Variants in ALPK2 observed in about 807,000 individuals in gnomAD.
ALPK2 encodes the protein alpha-protein kinase 2.
In ALPK2, 127 loss-of-function variants were observed where a neutral mutation model predicts 163.1. That is an observed-to-expected ratio of 0.78 (90% CI 0.67 to 0.90). ALPK2 has a LOEUF of 0.90. ALPK2 is among the 40% of genes least tolerant of loss of function. The pLI, the probability that ALPK2 is intolerant of heterozygous loss-of-function variation, is 0.00. For synonymous variants in ALPK2, 953 were observed against 959.1 expected (o/e 0.99, Z 0.12); for missense variants, 2,360 against 2,589.6 (o/e 0.91, Z 1.92).
At chr18:58,568,953 C>T (rs1237225821) in intron 4 of ALPK2, among the ~76,000 whole-genome samples, 1 of 152,194 alleles carries the variant, frequency 6.6e-6, no homozygotes, top group Non-Finnish European at 1.5e-5. Flanking sequence ...GTGGCTCACA[C>T]CTGTAATCCC....
chr18:58,536,734 A>G lies in ALPK2; in HGVS notation c.3453T>C (p.Pro1151=). 1 of 1,614,178 alleles carries G rather than the reference A, an allele frequency of 6.2e-7. No individual in the cohort carries two copies. The change falls in exon 5 of 13, where the codon CCT becomes CCC. Residue 1151 remains proline, a synonymous_variant. Transcript: ENST00000361673. The part of the protein sequence containing the change: ...SLSQQGSLSA[P]DFQQSLPTTS... ...TCGTAGGCAAACTTTGTTGGAAATC[A>G]GGTGCAGAAAGAGAACCCTGCTGGG...
At chr18:58,490,625 G>A (rs1025456658) in intron 12 of ALPK2, among the ~76,000 whole-genome samples, 1 of 151,636 alleles carries the variant, frequency 6.6e-6, no homozygotes, top group Non-Finnish European at 1.5e-5. Context: ...CTCCCTGGCT[G>A]GAGAAAAAAA....
In ALPK2 at chr18:58,579,919, C is replaced by G; in HGVS notation, c.857G>C (p.Gly286Ala). Reference sequence around the variant, plus strand: ...TTGTTTGTTGGCCACGGCACTGTCACCTGGGTAAATGTGTGCAGTTGCCTC... The same window carrying G: ...TTGTTTGTTGGCCACGGCACTGTCAGCTGGGTAAATGTGTGCAGTTGCCTC... ...LSEATAHIYP[G>A]DSAVANKQPS... The change falls in exon 4 of 13, where the codon GGT becomes GCT. Residue 286 changes from glycine to alanine, a missense_variant. Coordinates refer to ENST00000361673, the MANE Select transcript of ALPK2 (RefSeq NM_052947.4). 1 of 1,614,158 alleles carries G rather than the reference C, an allele frequency of 6.2e-7. No individual in the cohort carries two copies. Among genetic ancestry groups the G allele is most frequent in the Non-Finnish European group, 8.5e-7 (1 of 1,180,022 alleles).
intron 4 of ALPK2, among the ~76,000 whole-genome samples, chr18:58,548,988 C>T (rs141952905): frequency 1.3e-5 from 2 of 152,174 alleles, no homozygotes; most frequent in Non-Finnish European, 2.9e-5. Flanking sequence ...GAAAATTGCT[C>T]CAGGCTCCTG....
In ALPK2 at chr18:58,481,261, T is replaced by C. The variant is rs138827917; in HGVS notation, c.*562A>G. ...ACATCTTACACTTTTTGTTTAAATA[T>C]GAATTTAATTAAACAGAAAATTGTA... On this transcript the variant is annotated 3_prime_UTR_variant, in exon 13 of 13. Transcript: ENST00000361673. 9.9e-4 allele frequency: 155 copies of C among 156,906 alleles called. No individual in the cohort carries two copies. Among genetic ancestry groups the C allele is most frequent in the African/African-American group, 3.5e-3 (145 of 41,592 alleles). The allele number at this position is 156,906 out of a possible 1,614,324, so 9.7% of individuals were successfully genotyped here. A position where few individuals can be genotyped will look rare whatever the true frequency, so the allele number is the denominator to read the frequency against.
In ALPK2 at chr18:58,520,493, C is replaced by T. The variant is rs562870324; in HGVS notation, c.5666-3311G>A. 1.6e-3 allele frequency among the ~76,000 whole-genome samples: 227 copies of T among 144,240 alleles called. 1 individual carries two copies. The highest frequency in any genetic ancestry group is 2.6e-4 in the Non-Finnish European group (17 of 66,084). The allele number at this position is 144,240 out of a possible 152,430, so 94.6% of individuals were successfully genotyped here. A position where few individuals can be genotyped will look rare whatever the true frequency, so the allele number is the denominator to read the frequency against. On this transcript the variant is annotated intron_variant, in intron 8 of 12. Coordinates refer to ENST00000361673, the MANE Select transcript of ALPK2 (RefSeq NM_052947.4). Reference sequence around the variant, plus strand: ...CTCATTGGAATCCACCAGACAGACTCGTCAGATGAGTGTTGGGAGATTCAA... The same window carrying T: ...CTCATTGGAATCCACCAGACAGACTTGTCAGATGAGTGTTGGGAGATTCAA...
chr18:58,626,040 T>C (rs1324106585), intron 1 of ALPK2, among the ~76,000 whole-genome samples: 1 of 152,238 alleles, frequency 6.6e-6, no homozygotes, highest in Non-Finnish European at 1.5e-5. Context: ...GCTTTACATG[T>C]TTGCATTTTC....
chr18:58,541,619 T>G (rs1568080316), intron 4 of ALPK2, among the ~76,000 whole-genome samples: 1 of 152,264 alleles, frequency 6.6e-6, no homozygotes, highest in Non-Finnish European at 1.5e-5. Context: ...GACCATCTAC[T>G]TTATACCAGG....
Position 58,613,444 on chromosome 18 carries a change from C to G in ALPK2, c.-20-1627G>C, listed in dbSNP as rs368161683. ...GCATGGTGGCTCACGCCTCTCATCC[C>G]AGCACTTTGGGAGGCTGAGGCGGGC... On this transcript the variant is annotated intron_variant, in intron 1 of 12. Transcript: ENST00000361673. 9.2e-5 allele frequency among the ~76,000 whole-genome samples: 14 copies of G among 152,252 alleles called. No homozygotes were observed. In the East Asian group the frequency reaches 2.7e-3, roughly 29 times the overall value.
chr18:58,515,158 G>A (rs981030590), intron 9 of ALPK2, 77 bp from the exon 10 acceptor site: 3 of 1,142,708 alleles, frequency 2.6e-6, no homozygotes, highest in Admixed American at 4.3e-5. Context: ...GACTATTCAG[G>A]AGATTTCCCA....
intron 3 of ALPK2, among the ~76,000 whole-genome samples, chr18:58,593,057 A>T (rs1301508380): frequency 6.6e-6 from 1 of 152,202 alleles, no homozygotes; most frequent in Admixed American, 6.5e-5. Context: ...GCAGAGGTAG[A>T]TACATGTCAG....
At chr18:58,530,403 G>A (rs73445161) in intron 5 of ALPK2, among the ~76,000 whole-genome samples, 6,726 of 152,270 alleles carry the variant, frequency 0.044, 286 homozygotes, top group African/African-American at 0.1. Context: ...TGGCAAACCC[G>A]CATCAGTGCA....
chr18:58,523,056 CT>C (rs1420507153), intron 8 of ALPK2, among the ~76,000 whole-genome samples: 3 of 94,010 alleles, frequency 3.2e-5, no homozygotes, highest in African/African-American at 1.3e-4. Context: ...AATGCTAACC[CT>C]CCCCCCTCCC....
chr18:58,496,664 G>A (rs1007988275), intron 12 of ALPK2, among the ~76,000 whole-genome samples: 4 of 152,160 alleles, frequency 2.6e-5, no homozygotes, highest in African/African-American at 9.7e-5. Flanking sequence ...AAGCTCCCAC[G>A]GATAAGTTGT....
rs2051943954 is a variant in ALPK2, at chr18:58,579,545, C to T, written c.1231G>A (p.Gly411Arg). 1 of 1,613,662 alleles carries T rather than the reference C, an allele frequency of 6.2e-7. No homozygotes were observed. The highest frequency in any genetic ancestry group is 1.7e-4 in the Middle Eastern group (1 of 6,060). ...TTGGAGACTCTGCTGCTCCTCACCC[C>T]AACTTCTTGGGGTTGTGAGTGATGA... ...CGHHSQPQEVGVRSSRVSKHG... is the reference protein window; with the variant it reads ...CGHHSQPQEVRVRSSRVSKHG... Residue 411 changes from glycine to arginine, a missense_variant, in exon 4 of 13, where the codon GGG becomes AGG. By Grantham distance (125) the Gly-to-Arg change is moderately radical. Coordinates refer to ENST00000361673, the MANE Select transcript of ALPK2 (RefSeq NM_052947.4).
At chr18:58,510,126 A>G (rs1447031875) in intron 10 of ALPK2, among the ~76,000 whole-genome samples, 1 of 152,180 alleles carries the variant, frequency 6.6e-6, no homozygotes, top group Admixed American at 6.5e-5. Context: ...TCCCAGCACC[A>G]TTTATTAAAT....
intron 10 of ALPK2, among the ~76,000 whole-genome samples, chr18:58,504,526 T>TC (rs2051451655): frequency 6.6e-6 from 1 of 152,164 alleles, no homozygotes; most frequent in Non-Finnish European, 1.5e-5. Context: ...TTCCTTCCTT[T>TC]CATCCATCCA....
chr18:58,562,639 A>T (rs1049443430), intron 4 of ALPK2, among the ~76,000 whole-genome samples: 5 of 152,218 alleles, frequency 3.3e-5, no homozygotes, highest in African/African-American at 9.6e-5. Flanking sequence ...GGAGCTGTGG[A>T]TGTAATTTCT....
At chr18:58,622,094 C>T (rs377150841) in intron 1 of ALPK2, among the ~76,000 whole-genome samples, 42 of 151,786 alleles carry the variant, frequency 2.8e-4, no homozygotes, top group African/African-American at 8.9e-4. Flanking sequence ...CTCCTGTAAT[C>T]CCAGCATTTT....
Sources: gnomAD v4.1 joint callset for allele counts (sites outside exome capture counted in the v4.1 genomes callset) on GRCh38, gnomAD v4.1.1 for gene constraint, MANE v1.5 for transcripts, NCBI Gene and HGNC (gene_info 2026-07-23, HGNC 2026-07-21) for gene names.